CFAP206: variants seen among roughly 807,000 people sequenced by gnomAD.
CFAP206 encodes cilia- and flagella-associated protein 206.
Under a neutral mutation model 65.4 loss-of-function variants are expected in CFAP206, and 53 were observed. That is an observed-to-expected ratio of 0.81 (90% CI 0.65 to 1.02). The LOEUF is 1.02. Among genes scored for constraint, CFAP206 ranks in the 50% least tolerant of loss-of-function variants. The probability of loss-of-function intolerance (pLI) is 0.00; values close to 1 mark genes in which losing one functional copy is unlikely to be tolerated. For missense variants in CFAP206, 663 were observed against 753.2 expected (o/e 0.88, Z 1.40); for synonymous variants, 250 against 254.4 (o/e 0.98, Z 0.17).
Position 87,409,855 on chromosome 6 carries a change from G to A in CFAP206, c.16G>A (p.Ala6Thr). The A allele has an allele frequency of 3.1e-6, 5 of 1,611,466 alleles. No homozygotes were observed. Among genetic ancestry groups the A allele is most frequent in the Non-Finnish European group, 4.2e-6 (5 of 1,179,090 alleles). Reference sequence around the variant, plus strand: ...TTTAGCCAGAATGCCTCCAACTCAGGCCGAAAGTGTTATAAGGAGTATTAT... The same window carrying A: ...TTTAGCCAGAATGCCTCCAACTCAGACCGAAAGTGTTATAAGGAGTATTAT... MPPTQ[A>T]ESVIRSIIRE... The change falls in exon 2 of 13, where the codon GCC (alanine) becomes ACC (threonine). Residue 6 changes from alanine to threonine, a missense_variant. Physicochemically the swap from Ala to Thr is moderately conservative, Grantham distance 58 (BLOSUM62 0). Transcript: ENST00000369562.
chr6:87,409,754 A>G (rs1562242008), intron 1 of CFAP206, 81 bp from the exon 2 acceptor site: 3 of 863,210 alleles, frequency 3.5e-6, no homozygotes, highest in Admixed American at 2.2e-5. Context: ...TACAAATACA[A>G]TATTGCAGAA....
chr6:87,416,066 A>G (rs1767825709), intron 5 of CFAP206, among the ~76,000 whole-genome samples, 192 bp downstream of exon 5: 1 of 152,132 alleles, frequency 6.6e-6, no homozygotes, highest in African/African-American at 2.4e-5. Flanking sequence ...AAACTCAAGT[A>G]GCACCTCTAG....
intron 9 of CFAP206, among the ~76,000 whole-genome samples, chr6:87,429,489 A>G (rs552019893): frequency 1.3e-5 from 2 of 152,334 alleles, no homozygotes; most frequent in East Asian, 1.9e-4. Flanking sequence ...TATTTGTTAT[A>G]TATCTACCTC....
At chr6:87,448,690 C>G (rs899216280) in intron 11 of CFAP206, among the ~76,000 whole-genome samples, 2 of 152,184 alleles carry the variant, frequency 1.3e-5, no homozygotes, top group Admixed American at 1.3e-4. Context: ...CACTATTCTA[C>G]TCCCTACTTA....
intron 8 of CFAP206, among the ~76,000 whole-genome samples, chr6:87,427,782 T>G (rs1027211340): frequency 6.6e-6 from 1 of 152,144 alleles, no homozygotes; most frequent in Non-Finnish European, 1.5e-5. Flanking sequence ...TTGTTATATT[T>G]TATTAGATGA....
At chr6:87,460,896 A>G (rs963605164) in intron 11 of CFAP206, 126 bp from the exon 12 acceptor site, 1 of 670,962 alleles carries the variant, frequency 1.5e-6, no homozygotes, top group Non-Finnish European at 2.4e-6. Flanking sequence ...TGGTATTTAC[A>G]AGTATATTCC....
intron 7 of CFAP206, among the ~76,000 whole-genome samples, chr6:87,422,450 C>CG (rs1266036782): frequency 5.6e-5 from 5 of 88,676 alleles, no homozygotes; most frequent in Non-Finnish European, 1.1e-4. Flanking sequence ...AACTCCATCT[C>CG]GAAAAAAAAA....
intron 11 of CFAP206, among the ~76,000 whole-genome samples, chr6:87,440,559 C>T (rs1284035782): frequency 3.3e-5 from 5 of 151,790 alleles, no homozygotes; most frequent in Admixed American, 3.3e-4. Context: ...ATGCAGGGAG[C>T]GATAATGTTA....
At chr6:87,411,127 T>TAAGG (rs2127946779) in intron 3 of CFAP206, among the ~76,000 whole-genome samples, 1 of 152,292 alleles carries the variant, frequency 6.6e-6, no homozygotes, top group South Asian at 2.1e-4. Flanking sequence ...GCTCTGTTAG[T>TAAGG]AAGGAAGGAA....
chr6:87,443,181 G>T lies in CFAP206; in HGVS notation c.1494+8128G>T, dbSNP rs531038465. Among the ~76,000 whole-genome samples, 25 of 152,092 alleles carry T rather than the reference G, an allele frequency of 1.6e-4. 2 individuals carry two copies. The South Asian group carries it at 5.2e-3, about 32-fold the overall frequency. On this transcript the variant is annotated intron_variant, in intron 11 of 12. Transcript: ENST00000369562. ...TTTTTCCAGGTAGTTTGTTTCTTTT[G>T]TATCAGATTCAATAAGTTGCATTTT...
At chr6:87,420,287 T>C (rs1251249912) in intron 7 of CFAP206, among the ~76,000 whole-genome samples, 2 of 152,232 alleles carry the variant, frequency 1.3e-5, no homozygotes, top group Admixed American at 1.3e-4. Flanking sequence ...GGTGATATTA[T>C]AAGAAAGAAC....
chr6:87,428,488 A>C (rs1242357427), intron 8 of CFAP206, 138 bp from the exon 9 acceptor site: 2 of 688,468 alleles, frequency 2.9e-6, no homozygotes, highest in African/African-American at 3.6e-5. Context: ...TCTAAAGTCT[A>C]CTGTCTAAGT....
At chr6:87,435,154 G>T (rs1768235873) in intron 11 of CFAP206, 101 bp downstream of exon 11, 1 of 790,380 alleles carries the variant, frequency 1.3e-6, no homozygotes, top group Admixed American at 2.7e-5. Context: ...CACACAGAGA[G>T]AGTCAGATGA....
chr6:87,418,229 C>A lies in CFAP206; in HGVS notation c.653C>A (p.Ala218Glu). The A allele has an allele frequency of 6.2e-7, 1 of 1,614,154 alleles. No homozygotes were observed. Among genetic ancestry groups the A allele is most frequent in the Non-Finnish European group, 8.5e-7 (1 of 1,180,028 alleles). Reference protein sequence around the residue: ...IDDLPAVLHVAIPATMQHIDY... With the variant: ...IDDLPAVLHVEIPATMQHIDY... ...ACAGTGCCAGCTGTTCTCCATGTAG[C>A]AATCCCAGCCACCATGCAGCATATT... is the stretch of plus-strand genomic sequence containing the variant. Residue 218 changes from alanine to glutamate, a missense_variant, in exon 7 of 13, where the codon GCA becomes GAA. Ala to Glu is a moderately radical substitution (Grantham distance 107, BLOSUM62 -1). Coordinates refer to ENST00000369562, the MANE Select transcript of CFAP206 (RefSeq NM_001031743.3).
chr6:87,431,071 T>A lies in CFAP206; in HGVS notation c.1198T>A (p.Trp400Arg). ...VNVADFRKLE[W>R]LFPETTANFD... The stretch of plus-strand genomic sequence containing the variant: ...TGTGGCAGATTTCAGAAAACTAGAA[T>A]GGCTTTTCCCAGAAACAACAGCAAA... Residue 400 changes from tryptophan to arginine, a missense_variant, in exon 10 of 13, where the codon TGG becomes AGG. Physicochemically the swap from Trp to Arg is moderately radical, Grantham distance 101. Coordinates refer to ENST00000369562, the MANE Select transcript of CFAP206 (RefSeq NM_001031743.3). 1 of 1,614,032 alleles carries A rather than the reference T, an allele frequency of 6.2e-7. No individual in the cohort carries two copies. The highest frequency in any genetic ancestry group is 8.5e-7 in the Non-Finnish European group (1 of 1,179,900).
At chr6:87,427,375 G>A (rs941666505) in intron 8 of CFAP206, among the ~76,000 whole-genome samples, 1 of 152,080 alleles carries the variant, frequency 6.6e-6, no homozygotes, top group Non-Finnish European at 1.5e-5. Flanking sequence ...TCCTGACCTC[G>A]TGATCTGCCC....
chr6:87,438,067 A>G (rs940922355), intron 11 of CFAP206, among the ~76,000 whole-genome samples: 1 of 152,122 alleles, frequency 6.6e-6, no homozygotes, highest in Non-Finnish European at 1.5e-5. Context: ...AGGCACTGCA[A>G]TGGGAATACA....
intron 7 of CFAP206, 122 bp from the exon 8 acceptor site, chr6:87,426,404 A>C (rs999463964): frequency 1.6e-6 from 1 of 624,206 alleles, no homozygotes; most frequent in Non-Finnish European, 2.5e-6. Flanking sequence ...TGCGGAGAAC[A>C]GACTTCCTGC....
chr6:87,428,550 A>T, intron 8 of CFAP206, 76 bp from the exon 9 acceptor site: 5 of 1,353,892 alleles, frequency 3.7e-6, no homozygotes, highest in Non-Finnish European at 5.3e-6. Flanking sequence ...TGACAATTGT[A>T]TTTATCTTAA....
Sources: gnomAD v4.1 joint callset for allele counts (sites outside exome capture counted in the v4.1 genomes callset) on GRCh38, gnomAD v4.1.1 for gene constraint, MANE v1.5 for transcripts, NCBI Gene and HGNC (gene_info 2026-07-23, HGNC 2026-07-21) for gene names.